The following SF3B1 variants were observed in gnomAD, a reference collection of about 807,000 sequenced individuals.
SF3B1 encodes the protein pre-mRNA processing 10.
Under a neutral mutation model 153.8 loss-of-function variants are expected in SF3B1, and 12 were observed. The observed-to-expected ratio is 0.08, with a 90% CI of 0.05 to 0.13. SF3B1 has a LOEUF of 0.13. SF3B1 is among the 10% of genes least tolerant of loss of function. SF3B1 has a pLI of 1.00. For synonymous variants in SF3B1, 498 were observed against 525.2 expected (o/e 0.95, Z 0.71); for missense variants, 513 against 1,606.1 (o/e 0.32, Z 11.63).
chr2:197,404,710 A>C (rs1018265542), intron 11 of SF3B1: 1 of 158,734 alleles, frequency 6.3e-6, no homozygotes, highest in Admixed American at 6.4e-5. Context: ...AAACACAAAA[A>C]TATAACACTA....
chr2:197,414,707 A>T (rs986382408), intron 6 of SF3B1, among the ~76,000 whole-genome samples: 11 of 152,204 alleles, frequency 7.2e-5, no homozygotes, highest in African/African-American at 2.2e-4. Context: ...AGGGAAAGCA[A>T]GTACAAACAA....
chr2:197,424,276 T>C (rs1370948268), intron 1 of SF3B1, among the ~76,000 whole-genome samples: 2 of 152,036 alleles, frequency 1.3e-5, no homozygotes, highest in Non-Finnish European at 2.9e-5. Context: ...AGGTGGGCGA[T>C]CACTTGAGGT....
intron 1 of SF3B1, 75 bp downstream of exon 1, chr2:197,434,897 G>T: frequency 4.0e-6 from 6 of 1,495,794 alleles, no homozygotes; most frequent in Non-Finnish European, 5.6e-6. Flanking sequence ...CATAGAAAAA[G>T]GCAGAATCCT....
At chr2:197,404,238 G>A (rs1041529937) in intron 11 of SF3B1, among the ~76,000 whole-genome samples, 1 of 152,118 alleles carries the variant, frequency 6.6e-6, no homozygotes, top group Non-Finnish European at 1.5e-5. Context: ...AACACTTTCG[G>A]AGACTGAGGC....
chr2:197,433,296 G>A (rs1193322780), intron 1 of SF3B1, among the ~76,000 whole-genome samples: 1 of 152,186 alleles, frequency 6.6e-6, no homozygotes, highest in Non-Finnish European at 1.5e-5. Context: ...AAAATAACAA[G>A]TTTGGCCAAT....
Position 197,402,988 on chromosome 2 carries a change from A to G in SF3B1, c.1767T>C (p.Ala589=). ...EPLLIDEDYY[A]RVEGREIISN... is the part of the protein sequence containing the mutation. Reference sequence around the variant, plus strand: ...AAATGATCTCTCGGCCTTCCACTCTAGCATAGTAATCTTCATCAATCAATA... The same window carrying G: ...AAATGATCTCTCGGCCTTCCACTCTGGCATAGTAATCTTCATCAATCAATA... The change falls in exon 13 of 25, where the codon GCT becomes GCC. Residue 589 remains alanine (A), a synonymous_variant. Transcript: ENST00000335508. The surrounding 1 kb of genome is among the most constrained non-coding windows in gnomAD (Gnocchi z 4.6). The G allele has an allele frequency of 1.2e-6, 2 of 1,614,008 alleles. No individual in the cohort carries two copies. Among genetic ancestry groups the G allele is most frequent in the Non-Finnish European group, 1.7e-6 (2 of 1,179,934 alleles).
rs1332314125 is a variant in SF3B1 at position 197,390,552 on chromosome 2, G to T, written c.*1751C>A. 1 of 152,016 alleles carries T rather than the reference G, an allele frequency of 6.6e-6. No individual in the cohort carries two copies. The highest frequency in any genetic ancestry group is 1.5e-5 in the Non-Finnish European group (1 of 68,014). The allele number at this position is 152,016 out of a possible 1,614,324, so 9.4% of individuals were successfully genotyped here. On this transcript the variant is annotated 3_prime_UTR_variant, in exon 25 of 25. Transcript: ENST00000335508. ...AAAGTTGTCATACAAGGAATGATGA[G>T]GAGTTACAAATCCAACTTGGAAACC... is the stretch of plus-strand genomic sequence containing the variant.
intron 1 of SF3B1, among the ~76,000 whole-genome samples, chr2:197,432,859 C>T (rs2085462389): frequency 6.6e-6 from 1 of 151,162 alleles, no homozygotes; most frequent in African/African-American, 2.4e-5. Context: ...GAAAAAGACC[C>T]TATCTCAAAA....
At chr2:197,396,946 G>T (rs2084881689) in intron 22 of SF3B1, among the ~76,000 whole-genome samples, 1 of 152,186 alleles carries the variant, frequency 6.6e-6, no homozygotes, top group Non-Finnish European at 1.5e-5. Flanking sequence ...ATGTGTTAGG[G>T]GAGGGGGTGT....
chr2:197,411,962 T>C (rs559591383), intron 6 of SF3B1, among the ~76,000 whole-genome samples: 12 of 151,618 alleles, frequency 7.9e-5, no homozygotes, highest in Admixed American at 3.3e-4. Context: ...TAAATAAAAA[T>C]AGCTGGGTGT....
At chr2:197,405,794 C>CA (rs1298349892) in intron 9 of SF3B1, among the ~76,000 whole-genome samples, 10 of 151,858 alleles carry the variant, frequency 6.6e-5, no homozygotes, top group Non-Finnish European at 2.9e-5. Context: ...TCAGCAATTC[C>CA]AAAAAATGCT....
intron 6 of SF3B1, among the ~76,000 whole-genome samples, chr2:197,416,309 G>A (rs1330671281): frequency 6.6e-6 from 1 of 152,094 alleles, no homozygotes; most frequent in Non-Finnish European, 1.5e-5. Context: ...ATTCTAAAAA[G>A]AACTTTCCTT....
chr2:197,402,243 C>T lies in SF3B1; in HGVS notation c.2078-113G>A, dbSNP rs2084943164. On this transcript the variant is annotated intron_variant, in intron 14 of 24. Transcript: ENST00000335508. The surrounding 1 kb of genome is among the most constrained non-coding windows in gnomAD (Gnocchi z 4.6). Reference sequence around the variant, plus strand: ...TCAGCCAAACTGCAGAATATGTTCACATTAAACAAAATTAGGTAAAAGCAA... The same window carrying T: ...TCAGCCAAACTGCAGAATATGTTCATATTAAACAAAATTAGGTAAAAGCAA... The T allele has an allele frequency of 7.7e-7, 1 of 1,306,178 alleles. No individual in the cohort carries two copies. The highest frequency in any genetic ancestry group is 1.0e-6 in the Non-Finnish European group (1 of 960,868). The allele number at this position is 1,306,178 out of a possible 1,614,324, so 80.9% of individuals were successfully genotyped here. A position where few individuals can be genotyped will look rare whatever the true frequency, so the allele number is the denominator to read the frequency against.
chr2:197,397,608 C>T (rs2084891135), intron 22 of SF3B1, among the ~76,000 whole-genome samples: 1 of 152,102 alleles, frequency 6.6e-6, no homozygotes, highest in African/African-American at 2.4e-5. Context: ...ACAGCCTGGC[C>T]CACATGGTGA....
intron 7 of SF3B1, 89 bp downstream of exon 7, chr2:197,409,681 T>C (rs2085040596): frequency 2.0e-6 from 2 of 1,008,114 alleles, no homozygotes; most frequent in Non-Finnish European, 1.5e-6. Context: ...TATTTATACG[T>C]GTCCACCCAG....
intron 6 of SF3B1, among the ~76,000 whole-genome samples, chr2:197,415,981 ATTTTTTTT>A (rs35479143): frequency 2.9e-5 from 4 of 136,414 alleles, no homozygotes; most frequent in Non-Finnish European, 6.3e-5. Context: ...TGCCCAGCTA[ATTTTTTTT>A]TTTTTTTTTG....
intron 21 of SF3B1, 23 bp downstream of exon 21, chr2:197,398,435 TAAA>T: frequency 6.2e-7 from 1 of 1,610,456 alleles, no homozygotes; most frequent in Middle Eastern, 1.7e-4. Flanking sequence ...ATACTGCTTA[TAAA>T]AATGTGTGGG....
intron 6 of SF3B1, among the ~76,000 whole-genome samples, chr2:197,410,957 G>T (rs1411160431): frequency 6.6e-6 from 1 of 152,074 alleles, no homozygotes; most frequent in Non-Finnish European, 1.5e-5. Context: ...TTTGTTTTTT[G>T]ACACAGGGTC....
chr2:197,396,466 C>CAA, intron 22 of SF3B1, 138 bp from the exon 23 acceptor site: 3 of 666,170 alleles, frequency 4.5e-6, no homozygotes, highest in Non-Finnish European at 7.3e-6. Flanking sequence ...GCAATACTTT[C>CAA]AAGTCACTGG....
Sources: allele counts gnomAD v4.1 joint callset (sites outside exome capture counted in the v4.1 genomes callset), GRCh38; gene constraint gnomAD v4.1.1; non-coding constraint Gnocchi (gnomAD v3.1); transcripts MANE v1.5; gene names NCBI Gene and HGNC (gene_info 2026-07-23, HGNC 2026-07-21).